Variants in ANK3 observed in about 807,000 individuals in gnomAD.
ANK3 encodes ankyrin-3.
In ANK3, 57 loss-of-function variants were observed where a neutral mutation model predicts 370.9. The ratio of observed to expected loss-of-function variants is 0.15; its 90% confidence interval spans 0.12 to 0.19. The LOEUF (loss-of-function observed/expected upper bound fraction) is 0.19, where lower values mean the gene tolerates loss of function less well. ANK3 is among the 10% of genes least tolerant of loss of function. ANK3 has a pLI of 1.00. For missense variants in ANK3, 4,439 were observed against 5,302.1 expected (o/e 0.84, Z 5.06); for synonymous variants, 1,929 against 1,946.3 (o/e 0.99, Z 0.23).
intron 1 of ANK3, among the ~76,000 whole-genome samples, chr10:60,700,419 T>A (rs970443805): frequency 3.3e-5 from 5 of 152,296 alleles, no homozygotes; most frequent in African/African-American, 1.2e-4. Flanking sequence ...TTTTAAGTTT[T>A]TATTAATTTG....
At chr10:60,055,577 C>A (rs2393609) in intron 42 of ANK3, 81 bp downstream of exon 42, 1,334,921 of 1,478,242 alleles carry the variant, frequency 0.9, 603,135 homozygotes, top group Admixed American at 0.95. Context: ...CTTGGGCCCC[C>A]GGCTGCAAGA....
At chr10:60,557,170 G>T (rs1237503298) in intron 2 of ANK3, among the ~76,000 whole-genome samples, 1 of 152,166 alleles carries the variant, frequency 6.6e-6, no homozygotes, top group Non-Finnish European at 1.5e-5. Flanking sequence ...CTGGAAACAG[G>T]TGTTGAAACA....
Position 60,088,297 on chromosome 10 carries a change from G to A in ANK3, c.3390C>T (p.Phe1130=), listed in dbSNP as rs372734913. 2.4e-5 allele frequency: 38 copies of A among 1,614,038 alleles called. No homozygotes were observed. The highest frequency in any genetic ancestry group is 2.9e-5 in the Non-Finnish European group (34 of 1,180,026). Reference sequence around the variant, plus strand: ...GGGAAACCACTGCAAAATACTGGGGGAAATCTTTCGTGATAATCCTGCAGA... The same window carrying A: ...GGGAAACCACTGCAAAATACTGGGGAAAATCTTTCGTGATAATCCTGCAGA... ...KRICRIITKD[F]PQYFAVVSRI... Residue 1130 remains phenylalanine (F), a synonymous_variant, in exon 29 of 44, where the codon TTC becomes TTT. Coordinates refer to ENST00000280772, the MANE Select transcript of ANK3 (RefSeq NM_020987.5).
chr10:60,418,087 G>C (rs919797816), intron 2 of ANK3, among the ~76,000 whole-genome samples: 4 of 152,060 alleles, frequency 2.6e-5, no homozygotes, highest in African/African-American at 9.7e-5. Flanking sequence ...AGTTGTCAGA[G>C]CCCTAGTTCT....
At chr10:60,385,606 T>C (rs1364305376) in intron 1 of ANK3, among the ~76,000 whole-genome samples, 1 of 152,178 alleles carries the variant, frequency 6.6e-6, no homozygotes, top group East Asian at 1.9e-4. Context: ...TATTTGTTCC[T>C]GCTCTGTCAC....
rs144405456 is a variant in ANK3 at position 60,396,354 on chromosome 10, G to A, written c.97-116715C>T. Among the ~76,000 whole-genome samples, 410 of 152,114 alleles carry A rather than the reference G, an allele frequency of 2.7e-3. 2 individuals carry two copies. The highest frequency in any genetic ancestry group is 9.5e-3 in the African/African-American group (392 of 41,460). On this transcript the variant is annotated intron_variant, in intron 2 of 43. Coordinates refer to the ANK3 transcript ENST00000373827. ...TGAATCAGGTATTTCACTCTATTAG[G>A]GTAGTAATTCTCCAAAAATTGCCCT... is the stretch of plus-strand genomic sequence containing the variant.
At chr10:60,146,808 C>T (rs956085752) in intron 23 of ANK3, among the ~76,000 whole-genome samples, 2 of 152,124 alleles carry the variant, frequency 1.3e-5, no homozygotes, top group African/African-American at 4.8e-5. Context: ...AACATTTAGA[C>T]GATAAATTCT....
At chr10:60,291,712 C>T (rs1160876575) in intron 1 of ANK3, among the ~76,000 whole-genome samples, 1 of 152,060 alleles carries the variant, frequency 6.6e-6, no homozygotes, top group Non-Finnish European at 1.5e-5. Context: ...AGCCCTTTAT[C>T]CAAGATACAT....
intron 1 of ANK3, among the ~76,000 whole-genome samples, chr10:60,635,951 C>A (rs757945275): frequency 7.2e-5 from 11 of 152,054 alleles, no homozygotes; most frequent in Non-Finnish European, 1.2e-4. Context: ...TATTTCACAG[C>A]CATATAAGCA....
At chr10:60,663,654 G>A (rs2078963364) in intron 1 of ANK3, among the ~76,000 whole-genome samples, 1 of 152,008 alleles carries the variant, frequency 6.6e-6, no homozygotes, top group African/African-American at 2.4e-5. Context: ...CCTTCATGAT[G>A]GTGTTAAAAT....
intron 2 of ANK3, among the ~76,000 whole-genome samples, chr10:60,474,910 C>T (rs1310877120): frequency 6.6e-6 from 1 of 151,948 alleles, no homozygotes; most frequent in South Asian, 2.1e-4. Flanking sequence ...TTATGCTTTT[C>T]TGCATTTAAA....
intron 42 of ANK3, chr10:60,044,201 AGCAGAGTTTTTAAT>A: frequency 1.0e-6 from 1 of 984,288 alleles, no homozygotes; most frequent in Non-Finnish European, 1.2e-6. Flanking sequence ...GCACAAAAGT[AGCAGAGTTTTTAAT>A]GCAGAAAATC....
At chr10:60,521,056 G>C (rs541435388) in intron 2 of ANK3, among the ~76,000 whole-genome samples, 47 of 151,932 alleles carry the variant, frequency 3.1e-4, no homozygotes, top group Non-Finnish European at 5.7e-4. Flanking sequence ...AAAGTAGTTA[G>C]AGTTGTCAAG....
chr10:60,133,774 A>T (rs1392850966), intron 25 of ANK3, among the ~76,000 whole-genome samples: 1 of 152,104 alleles, frequency 6.6e-6, no homozygotes, highest in Non-Finnish European at 1.5e-5. Flanking sequence ...TACAAAAATT[A>T]GCTGGGTGTG....
chr10:60,425,864 G>T (rs1194053361), intron 2 of ANK3, among the ~76,000 whole-genome samples: 2 of 152,064 alleles, frequency 1.3e-5, no homozygotes, highest in East Asian at 3.9e-4. Context: ...AGGATTAAAT[G>T]ATATTAGTAT....
intron 18 of ANK3, among the ~76,000 whole-genome samples, chr10:60,177,801 C>T (rs544163410): frequency 5.3e-5 from 8 of 151,956 alleles, no homozygotes; most frequent in Admixed American, 1.3e-4. Flanking sequence ...GGGGTTTCGC[C>T]GTGTTAGCCA....
At chr10:60,055,282 C>T (rs2078939711) in intron 42 of ANK3, among the ~76,000 whole-genome samples, 1 of 152,118 alleles carries the variant, frequency 6.6e-6, no homozygotes, top group African/African-American at 2.4e-5. Context: ...GATTATCCTC[C>T]TCCCATAAGG....
At chr10:60,082,032 A>G (rs1335427964) in intron 35 of ANK3, 118 bp downstream of exon 35, 2 of 730,660 alleles carry the variant, frequency 2.7e-6, no homozygotes, top group East Asian at 2.7e-5. Flanking sequence ...TTACCTACTT[A>G]AGACCTGAAA....
Position 60,421,067 on chromosome 10 carries a change from CAT to C in ANK3, c.97-141430_97-141429del, listed in dbSNP as rs200297447. Among the ~76,000 whole-genome samples the C allele has an allele frequency of 8.1e-3, 1,227 of 152,070 alleles. 9 individuals are homozygous for C. Among genetic ancestry groups the C allele is most frequent in the Non-Finnish European group, 0.011 (717 of 67,960 alleles). ...ATGCCACACAAATGAAACTTGAGCA[CAT>C]GTTAAGTGAAAACACACACCAAAAA... On this transcript the variant is annotated intron_variant, in intron 2 of 43. Coordinates refer to the ANK3 transcript ENST00000373827.
Sources: allele counts gnomAD v4.1 joint callset (sites outside exome capture counted in the v4.1 genomes callset), GRCh38; gene constraint gnomAD v4.1.1; transcripts MANE v1.5; gene names NCBI Gene and HGNC (gene_info 2026-07-23, HGNC 2026-07-21).